Variants in NUP54 observed in about 807,000 individuals in gnomAD.
NUP54 encodes the protein nucleoporin p54.
NUP54 carries 27 observed loss-of-function variants against 66.4 expected under a neutral mutation model. The ratio of observed to expected loss-of-function variants is 0.41; its 90% CI spans 0.30 to 0.56. NUP54 has a LOEUF of 0.56. Among genes scored for constraint, NUP54 ranks in the 20% least tolerant of loss-of-function variants. The pLI is 0.34. For missense variants in NUP54, 486 were observed against 596.3 expected, an observed-to-expected ratio of 0.82 and a Z score of 1.93; for synonymous variants, 206 against 210.7, an observed-to-expected ratio of 0.98 and a Z score of 0.19.
In NUP54 at chr4:76,141,803, A is replaced by T. The variant is rs554356834; in HGVS notation, c.295+2346T>A. Among the ~76,000 whole-genome samples, 4 of 152,348 alleles carry T rather than the reference A, an allele frequency of 2.6e-5. No individual in the cohort carries two copies. The South Asian group carries it at 8.3e-4, about 32-fold the overall frequency. On this transcript the variant is annotated intron_variant, in intron 3 of 11. Transcript: ENST00000264883. ...AGAATTGCTTAAAGGACAGCTCCTT[A>T]GTAAAACATATAAGGCACGCTAATA...
chr4:76,138,477 T>C (rs557934923), intron 3 of NUP54, among the ~76,000 whole-genome samples: 1 of 152,316 alleles, frequency 6.6e-6, no homozygotes, highest in South Asian at 2.1e-4. Flanking sequence ...CATTAATTCA[T>C]ACAACAAATA....
chr4:76,119,707 A>T (rs1730142459), intron 9 of NUP54, among the ~76,000 whole-genome samples: 1 of 151,856 alleles, frequency 6.6e-6, no homozygotes, highest in Non-Finnish European at 1.5e-5. Flanking sequence ...TTAACAATGC[A>T]TCGGGGGAAA....
At chr4:76,131,344 G>T in intron 6 of NUP54, 60 bp from the exon 7 acceptor site, 2 of 1,009,838 alleles carry the variant, frequency 2.0e-6, no homozygotes, top group South Asian at 3.1e-5. Flanking sequence ...ATATGTGTAT[G>T]ACAAAGGCTT....
rs1045136237 is a variant in NUP54, at chr4:76,118,343, C to T, written c.1165-149G>A. Reference sequence around the variant, plus strand: ...TCAGGATTTGAATTATGTTTCTGTCCATTTTAACTAGGCAAAAGTTATCAT... The same window carrying T: ...TCAGGATTTGAATTATGTTTCTGTCTATTTTAACTAGGCAAAAGTTATCAT... On this transcript the variant is annotated intron_variant, in intron 9 of 11. Coordinates refer to ENST00000264883, the MANE Select transcript of NUP54 (RefSeq NM_017426.4). 1.0e-5 allele frequency: 7 copies of T among 686,378 alleles called. No individual in the cohort carries two copies. In the Admixed American group the frequency reaches 1.6e-4, roughly 16 times the overall value. 42.5% of individuals were successfully genotyped at this position (686,378 alleles called of 1,614,324 possible). A position where few individuals can be genotyped will look rare whatever the true frequency, so the allele number is the denominator to read the frequency against.
chr4:76,143,089 GATATT>G lies in NUP54; in HGVS notation c.295+1055_295+1059del, dbSNP rs1443630140. Among the ~76,000 whole-genome samples, 213 of 151,746 alleles carry G rather than the reference GATATT, an allele frequency of 1.4e-3. 1 individual carries two copies. Among genetic ancestry groups the G allele is most frequent in the African/African-American group, 5.0e-3 (207 of 41,376 alleles). On this transcript the variant is annotated intron_variant, in intron 3 of 11. Coordinates refer to ENST00000264883, the MANE Select transcript of NUP54 (RefSeq NM_017426.4). ...AATGGCTGATCACTCAAAAAAAAAA[GATATT>G]ATATGTCTTCTGATAAAAAATAGGC...
At chr4:76,130,543 C>A in intron 8 of NUP54, 113 bp downstream of exon 8, 1 of 701,278 alleles carries the variant, frequency 1.4e-6, no homozygotes, top group Non-Finnish European at 2.5e-6. Flanking sequence ...GCAGTGTATG[C>A]TACATTGTTT....
intron 1 of NUP54, 112 bp downstream of exon 1, chr4:76,148,196 T>A (rs1731594989): frequency 1.1e-6 from 1 of 877,260 alleles, no homozygotes. Flanking sequence ...GCCTCTAAAG[T>A]CTCCGCGTCG....
chr4:76,129,299 T>G (rs1027121909), intron 8 of NUP54, among the ~76,000 whole-genome samples: 4 of 152,092 alleles, frequency 2.6e-5, no homozygotes, highest in Non-Finnish European at 4.4e-5. Context: ...AAAGGTAAAT[T>G]TGCCAAGAAA....
intron 1 of NUP54, chr4:76,147,729 CAGG>C (rs1731564726): frequency 9.6e-7 from 1 of 1,043,732 alleles, no homozygotes; most frequent in Admixed American, 3.1e-5. Context: ...GAAGAATCAG[CAGG>C]AGGTTTCACA....
At chr4:76,144,325 A>C (rs1578697280) in intron 2 of NUP54, 33 bp from the exon 3 acceptor site, 1 of 246,254 alleles carries the variant, frequency 4.1e-6, no homozygotes, top group Non-Finnish European at 5.1e-6. Context: ...TCGTAAGTTA[A>C]AAAAAAAAAA....
At chr4:76,125,342 A>ACGCGCG (rs559582443) in intron 8 of NUP54, among the ~76,000 whole-genome samples, 7 of 149,824 alleles carry the variant, frequency 4.7e-5, no homozygotes, top group South Asian at 2.1e-4. Context: ...ACACACACAC[A>ACGCGCG]CACACACACG....
At chr4:76,141,830 T>G (rs996730084) in intron 3 of NUP54, among the ~76,000 whole-genome samples, 1 of 152,172 alleles carries the variant, frequency 6.6e-6, no homozygotes, top group Non-Finnish European at 1.5e-5. Flanking sequence ...ACGCTAATAA[T>G]CCAATTCATA....
chr4:76,140,184 A>C (rs1731207129), intron 3 of NUP54, among the ~76,000 whole-genome samples: 2 of 152,036 alleles, frequency 1.3e-5, no homozygotes, highest in African/African-American at 4.8e-5. Context: ...TAAGATCCTG[A>C]GTCAGGTAAA....
intron 3 of NUP54, among the ~76,000 whole-genome samples, chr4:76,137,224 C>T (rs1731075563): frequency 6.6e-6 from 1 of 152,146 alleles, no homozygotes; most frequent in Non-Finnish European, 1.5e-5. Context: ...CTCAAAACTT[C>T]TGAGCTCAAG....
chr4:76,117,154 C>T (rs2109849133), intron 11 of NUP54, among the ~76,000 whole-genome samples: 2 of 152,284 alleles, frequency 1.3e-5, no homozygotes. Flanking sequence ...AGGTACTTTT[C>T]ATAAGTGAAA....
In NUP54 at chr4:76,124,755, ATCT is replaced by A; in HGVS notation, c.1057-2_1057del. ...TAGCTCACTAATATCTTCAGATATG[ATCT>A]GTTTAAAAAAAAATTGGGGGGGGGA... On this transcript the variant is annotated splice_acceptor_variant and coding_sequence_variant, in exon 9 of 12. Coordinates refer to ENST00000264883, the MANE Select transcript of NUP54 (RefSeq NM_017426.4). LOFTEE classifies it high-confidence loss of function. The A allele has an allele frequency of 1.8e-6, 2 of 1,083,548 alleles. No individual in the cohort carries two copies. Among genetic ancestry groups the A allele is most frequent in the Non-Finnish European group, 2.6e-6 (2 of 763,766 alleles). 67.1% of individuals were successfully genotyped at this position (1,083,548 alleles called of 1,614,324 possible). A position where few individuals can be genotyped will look rare whatever the true frequency, so the allele number is the denominator to read the frequency against.
At chr4:76,139,211 G>A (rs374500901) in intron 3 of NUP54, among the ~76,000 whole-genome samples, 1 of 152,156 alleles carries the variant, frequency 6.6e-6, no homozygotes, top group African/African-American at 2.4e-5. Context: ...TTGAGGCAAT[G>A]ATCATCAAGG....
At chr4:76,117,009 T>G (rs1158004769) in intron 11 of NUP54, among the ~76,000 whole-genome samples, 3 of 152,202 alleles carry the variant, frequency 2.0e-5, no homozygotes, top group African/African-American at 7.2e-5. Flanking sequence ...TGTTGTGCAA[T>G]AATCAACACT....
intron 1 of NUP54, chr4:76,147,694 A>C: frequency 4.1e-6 from 5 of 1,215,166 alleles, no homozygotes; most frequent in Non-Finnish European, 5.4e-6. Flanking sequence ...AGAGGGAAAA[A>C]GAAAAGAAAG....
Sources: allele counts gnomAD v4.1 joint callset (sites outside exome capture counted in the v4.1 genomes callset), GRCh38; gene constraint gnomAD v4.1.1; transcripts MANE v1.5; gene names NCBI Gene and HGNC (gene_info 2026-07-23, HGNC 2026-07-21).